ZNF536: variants seen among roughly 807,000 people sequenced by gnomAD.
ZNF536 encodes the protein zinc finger protein 536.
Under a neutral mutation model 84.5 loss-of-function variants are expected in ZNF536, and 13 were observed. The observed-to-expected ratio is 0.15, with a 90% CI of 0.10 to 0.24. The LOEUF is 0.24. Ranked by LOEUF, ZNF536 falls within the 10% of genes least tolerant of loss-of-function variation. ZNF536 has a pLI of 1.00. For synonymous variants in ZNF536, 811 were observed against 742.5 expected (o/e 1.09, Z -1.50); for missense variants, 1,536 against 1,747.5 (o/e 0.88, Z 2.16).
chr19:30,706,614 C>T (rs985871599), intron 1 of ZNF536, among the ~76,000 whole-genome samples: 7 of 152,118 alleles, frequency 4.6e-5, no homozygotes, highest in African/African-American at 7.2e-5. Context: ...GAGGTTTGGT[C>T]GCTTTGTTTC....
intron 3 of ZNF536, among the ~76,000 whole-genome samples, chr19:30,545,654 C>T (rs1218131806): frequency 6.6e-6 from 1 of 152,038 alleles, no homozygotes; most frequent in Non-Finnish European, 1.5e-5. Context: ...GCCTCGGCCT[C>T]CCAAAGTACT....
chr19:30,412,546 G>T (rs1207827664), intron 1 of ZNF536, among the ~76,000 whole-genome samples: 1 of 151,832 alleles, frequency 6.6e-6, no homozygotes, highest in Admixed American at 6.6e-5. Flanking sequence ...TATACCATAT[G>T]GTTCATTTCA....
chr19:30,400,969 A>G (rs1414544290), intron 1 of ZNF536, among the ~76,000 whole-genome samples: 1 of 152,046 alleles, frequency 6.6e-6, no homozygotes, highest in Non-Finnish European at 1.5e-5. Context: ...TTCCTATATT[A>G]TCTTCTAAAA....
intron 1 of ZNF536, among the ~76,000 whole-genome samples, chr19:30,673,215 G>T (rs974029370): frequency 6.6e-6 from 1 of 152,166 alleles, no homozygotes; most frequent in Non-Finnish European, 1.5e-5. Context: ...TGATCTGTGT[G>T]ACCTATGAGA....
intron 2 of ZNF536, among the ~76,000 whole-genome samples, chr19:30,463,613 GA>G (rs1280318725): frequency 6.6e-6 from 1 of 152,194 alleles, no homozygotes; most frequent in Admixed American, 6.5e-5. Flanking sequence ...AGATGTCAGG[GA>G]ATGTGGTCAA....
At chr19:30,640,992 C>A (rs2049248232) in intron 1 of ZNF536, among the ~76,000 whole-genome samples, 1 of 152,188 alleles carries the variant, frequency 6.6e-6, no homozygotes, top group Admixed American at 6.5e-5. Context: ...GTACACATTC[C>A]CACCTGCGTA....
At chr19:30,506,206 C>T (rs2055169305) in intron 2 of ZNF536, among the ~76,000 whole-genome samples, 1 of 152,076 alleles carries the variant, frequency 6.6e-6, no homozygotes. Flanking sequence ...CATAAGCAGA[C>T]AGGAAACCTG....
chr19:30,654,759 T>C (rs1420954989), intron 1 of ZNF536, among the ~76,000 whole-genome samples: 1 of 151,938 alleles, frequency 6.6e-6, no homozygotes, highest in African/African-American at 2.4e-5. Flanking sequence ...GCTGGTGGCT[T>C]AGGTAAATTT....
At chr19:30,449,770 CT>C (rs2148293368) in intron 2 of ZNF536, among the ~76,000 whole-genome samples, 1 of 152,328 alleles carries the variant, frequency 6.6e-6, no homozygotes, top group Admixed American at 6.5e-5. Flanking sequence ...ATTTGGTCAG[CT>C]GGGCTAAAAG....
chr19:30,711,367 C>G (rs1332127286), exon 2 of ZNF536: 1 of 152,106 alleles, frequency 6.6e-6, no homozygotes, highest in Non-Finnish European at 1.5e-5. Flanking sequence ...ACCATCTAAA[C>G]GATTTAGTGT....
intron 1 of ZNF536, among the ~76,000 whole-genome samples, chr19:30,578,463 C>A (rs542286210): frequency 6.6e-6 from 1 of 152,192 alleles, no homozygotes; most frequent in South Asian, 2.1e-4. Flanking sequence ...AGTTCTTTTT[C>A]GGTTGTCATG....
chr19:30,408,678 TA>T (rs377497637), intron 1 of ZNF536, among the ~76,000 whole-genome samples: 1 of 152,310 alleles, frequency 6.6e-6, no homozygotes, highest in African/African-American at 2.4e-5. Context: ...CTTTGGTTGT[TA>T]GTAATTAGTT....
chr19:30,464,967 G>T (rs1172858574), intron 2 of ZNF536, among the ~76,000 whole-genome samples: 1 of 152,150 alleles, frequency 6.6e-6, no homozygotes, highest in African/African-American at 2.4e-5. Flanking sequence ...AACAGGGACT[G>T]CCTGATGAGA....
chr19:30,606,229 TAATAA>T (rs368491547), intron 1 of ZNF536, among the ~76,000 whole-genome samples: 2,145 of 93,938 alleles, frequency 0.023, 77 homozygotes, highest in African/African-American at 0.056. Context: ...TAAAATAAAA[TAATAA>T]AATAAAATAA....
At chr19:30,300,031 G>A (rs1291779469) in intron 2 of ZNF536, among the ~76,000 whole-genome samples, 3 of 152,120 alleles carry the variant, frequency 2.0e-5, no homozygotes, top group Non-Finnish European at 2.9e-5. Context: ...CTTTTCAGAC[G>A]AGGCAAAACC....
intron 2 of ZNF536, among the ~76,000 whole-genome samples, chr19:30,309,169 G>A (rs1280359863): frequency 2.6e-5 from 4 of 152,170 alleles, no homozygotes; most frequent in Non-Finnish European, 5.9e-5. Flanking sequence ...GTCGCCAAGC[G>A]AATGAAATGA....
chr19:30,505,621 A>G (rs1221666980), intron 2 of ZNF536, among the ~76,000 whole-genome samples: 1 of 152,118 alleles, frequency 6.6e-6, no homozygotes, highest in Non-Finnish European at 1.5e-5. Context: ...TGAGGAAACT[A>G]TGACTCCTTT....
chr19:30,343,236 T>C (rs1359737629), intron 2 of ZNF536, among the ~76,000 whole-genome samples: 2 of 152,194 alleles, frequency 1.3e-5, no homozygotes, highest in African/African-American at 4.8e-5. Context: ...TTCCAGCAGA[T>C]TATAAACAGT....
At chr19:30,392,485 A>G (rs2060483160) in intron 1 of ZNF536, among the ~76,000 whole-genome samples, 1 of 152,136 alleles carries the variant, frequency 6.6e-6, no homozygotes, top group Non-Finnish European at 1.5e-5. Flanking sequence ...CCCGGCAGCA[A>G]TTATCTGCGG....
Sources: allele counts gnomAD v4.1 joint callset (sites outside exome capture counted in the v4.1 genomes callset), GRCh38; gene constraint gnomAD v4.1.1; transcripts MANE v1.5; gene names NCBI Gene and HGNC (gene_info 2026-07-23, HGNC 2026-07-21).